RNF145: variants seen among roughly 807,000 people sequenced by gnomAD.
RNF145 encodes the protein ring finger protein 145.
Under a neutral mutation model 57.3 loss-of-function variants are expected in RNF145, and 12 were observed. The observed-to-expected ratio is 0.21, with a 90% confidence interval of 0.13 to 0.34. The LOEUF is 0.34. Ranked by LOEUF, RNF145 falls within the 10% of genes least tolerant of loss-of-function variation. The probability of loss-of-function intolerance (pLI) is 1.00; values close to 1 mark genes in which losing one functional copy is unlikely to be tolerated. For missense variants in RNF145, 429 were observed against 799.0 expected, an observed-to-expected ratio of 0.54 and a Z score of 5.58; for synonymous variants, 262 against 288.3, an observed-to-expected ratio of 0.91 and a Z score of 0.92.
chr5:159,172,521 T>C (rs1195774716), intron 6 of RNF145, among the ~76,000 whole-genome samples: 1 of 152,006 alleles, frequency 6.6e-6, no homozygotes, highest in Non-Finnish European at 1.5e-5. Flanking sequence ...AATACTTATA[T>C]CAAAAACAAA....
intron 3 of RNF145, among the ~76,000 whole-genome samples, chr5:159,187,036 T>G (rs1185141225): frequency 6.6e-6 from 1 of 150,886 alleles, no homozygotes; most frequent in Non-Finnish European, 1.5e-5. Flanking sequence ...ATCCCAGCAC[T>G]TTGGGAGGCC....
chr5:159,191,037 A>C (rs1024511692), intron 3 of RNF145, among the ~76,000 whole-genome samples: 5 of 151,922 alleles, frequency 3.3e-5, no homozygotes, highest in Non-Finnish European at 7.4e-5. Context: ...GAAGAAGAAG[A>C]ACTGTCTTGG....
intron 8 of RNF145, 74 bp from the exon 9 acceptor site, chr5:159,163,153 A>G: frequency 7.5e-7 from 1 of 1,338,820 alleles, no homozygotes; most frequent in East Asian, 2.3e-5. Context: ...AGCAGCTAAC[A>G]TCTCTGGTGC....
intron 10 of RNF145, among the ~76,000 whole-genome samples, 155 bp from the exon 11 acceptor site, chr5:159,159,190 C>G (rs1246354140): frequency 1.3e-5 from 2 of 152,114 alleles, no homozygotes; most frequent in African/African-American, 2.4e-5. Flanking sequence ...CAGTAATAAT[C>G]CTGCTGCCAT....
intron 3 of RNF145, among the ~76,000 whole-genome samples, chr5:159,193,024 G>A (rs1292676440): frequency 6.6e-6 from 1 of 152,214 alleles, no homozygotes; most frequent in Non-Finnish European, 1.5e-5. Context: ...CAGAGGTGTG[G>A]GGGCTGGTGG....
intron 2 of RNF145, among the ~76,000 whole-genome samples, chr5:159,201,393 T>A (rs1408200761): frequency 6.6e-6 from 1 of 152,350 alleles, no homozygotes; most frequent in African/African-American, 2.4e-5. Context: ...ACAAAGTTAT[T>A]TAGCACAACG....
chr5:159,158,955 C>G lies in RNF145; in HGVS notation c.1707G>C (p.Glu569Asp). The G allele has an allele frequency of 6.2e-7, 1 of 1,613,878 alleles. No homozygotes were observed. Among genetic ancestry groups the G allele is most frequent in the Non-Finnish European group, 8.5e-7 (1 of 1,179,852 alleles). Residue 569 changes from glutamate (E) to aspartate (D), a missense_variant, in exon 11 of 11, where the codon GAG (glutamate) becomes GAC (aspartate). Glu to Asp is a conservative substitution (Grantham distance 45, BLOSUM62 2). Coordinates refer to ENST00000424310, the MANE Select transcript of RNF145 (RefSeq NM_001199383.2). The stretch of plus-strand genomic sequence containing the variant: ...GATGGCAGTGGCACAGAGGGCAGGT[C>G]TCCTGGACATACAGCCATTTCTTAA... ...GCLKKWLYVQ[E>D]TCPLCHCHLK...
At chr5:159,180,894 G>A (rs1784870705) in intron 4 of RNF145, among the ~76,000 whole-genome samples, 1 of 151,986 alleles carries the variant, frequency 6.6e-6, no homozygotes, top group Admixed American at 6.6e-5. Context: ...TTTGCAGGCT[G>A]AAAAGGCACA....
At chr5:159,174,799 C>T (rs1414322363) in intron 5 of RNF145, among the ~76,000 whole-genome samples, 1 of 151,224 alleles carries the variant, frequency 6.6e-6, no homozygotes. Context: ...AAAAAAAAGG[C>T]TTAATAATCT....
intron 1 of RNF145, among the ~76,000 whole-genome samples, chr5:159,208,704 G>A (rs1391489891): frequency 6.6e-6 from 1 of 152,054 alleles, no homozygotes; most frequent in Non-Finnish European, 1.5e-5. Context: ...AAAGAGGGAG[G>A]GGAGCTTGGA....
At chr5:159,185,983 G>T (rs1292555421) in intron 3 of RNF145, among the ~76,000 whole-genome samples, 1 of 152,168 alleles carries the variant, frequency 6.6e-6, no homozygotes, top group Non-Finnish European at 1.5e-5. Context: ...CAGCACTTTG[G>T]GAGGCCGAGG....
Position 159,158,559 on chromosome 5 carries a change from T to A in RNF145, c.*111A>T, listed in dbSNP as rs1784112852. The A allele has an allele frequency of 7.5e-7, 1 of 1,333,790 alleles. No individual in the cohort carries two copies. The highest frequency in any genetic ancestry group is 1.0e-6 in the Non-Finnish European group (1 of 976,376). The allele number at this position is 1,333,790 out of a possible 1,614,324, so 82.6% of individuals were successfully genotyped here. A position where few individuals can be genotyped will look rare whatever the true frequency, so the allele number is the denominator to read the frequency against. On this transcript the variant is annotated 3_prime_UTR_variant, in exon 11 of 11. Coordinates refer to ENST00000424310, the MANE Select transcript of RNF145 (RefSeq NM_001199383.2). ...CTTCCTGGATTAGATCCTTGGAATG[T>A]CAGTTTCCTGCCTGATCATCTCATT...
At position 159,209,237 on chromosome 5, in the gene RNF145, C is replaced by A; in HGVS notation, c.-46G>T. On this transcript the variant is annotated 5_prime_UTR_variant, in exon 1 of 11. Transcript: ENST00000424310. ...GGGCGGGCGGCGTGGTCACCTCAGG[C>A]TGCGGACTCCCTCCCTGGGGAGCGG... The A allele has an allele frequency of 1.0e-6, 1 of 985,060 alleles. No individual in the cohort carries two copies. Among genetic ancestry groups the A allele is most frequent in the Non-Finnish European group, 1.2e-6 (1 of 829,598 alleles). 61.0% of individuals were successfully genotyped at this position (985,060 alleles called of 1,614,324 possible).
intron 1 of RNF145, among the ~76,000 whole-genome samples, chr5:159,204,706 G>C (rs1785808070): frequency 6.6e-6 from 1 of 151,178 alleles, no homozygotes; most frequent in Non-Finnish European, 1.5e-5. Flanking sequence ...CAGGAGGCTA[G>C]GGCAGAAGAA....
chr5:159,203,678 AT>A, intron 1 of RNF145, 22 bp from the exon 2 acceptor site: 3 of 1,502,526 alleles, frequency 2.0e-6, no homozygotes, highest in Non-Finnish European at 2.7e-6. Flanking sequence ...AAGACACAAT[AT>A]ATAAAAATAA....
intron 8 of RNF145, among the ~76,000 whole-genome samples, chr5:159,163,940 T>A (rs562548369): frequency 2.6e-5 from 4 of 152,328 alleles, no homozygotes; most frequent in Middle Eastern, 6.8e-3. Flanking sequence ...TGGCTTTCAA[T>A]TGAAATAAAG....
chr5:159,189,421 C>T lies in RNF145; in HGVS notation c.293+5295G>A, dbSNP rs186616877. On this transcript the variant is annotated intron_variant, in intron 3 of 10. Coordinates refer to ENST00000424310, the MANE Select transcript of RNF145 (RefSeq NM_001199383.2). ...ACAATGAAATACCTCTTCACACTCACTGTAATGGCTCCACTAAAAAGGACA... is the reference window on the plus strand; with the variant it reads ...ACAATGAAATACCTCTTCACACTCATTGTAATGGCTCCACTAAAAAGGACA... Among the ~76,000 whole-genome samples, 8 of 152,342 alleles carry T rather than the reference C, an allele frequency of 5.3e-5. No homozygotes were observed. In the Middle Eastern group the frequency reaches 0.01, roughly 194 times the overall value.
chr5:159,207,968 A>G lies in RNF145; in HGVS notation c.-40+1263T>C, dbSNP rs535641668. 13 of 1,592,626 alleles carry G rather than the reference A, an allele frequency of 8.2e-6. No homozygotes were observed. In the South Asian group the frequency reaches 1.4e-4, roughly 18 times the overall value. ...TTTGGGCATGATTCAAGATTCAGTAAAACTGCACACTCCGTATTTTAAAAA... is the reference window on the plus strand; with the variant it reads ...TTTGGGCATGATTCAAGATTCAGTAGAACTGCACACTCCGTATTTTAAAAA... On this transcript the variant is annotated intron_variant, in intron 1 of 10. Transcript: ENST00000424310.
At chr5:159,193,430 G>C (rs189002695) in intron 3 of RNF145, among the ~76,000 whole-genome samples, 106 of 152,248 alleles carry the variant, frequency 7.0e-4, no homozygotes, top group South Asian at 2.5e-3. Flanking sequence ...AAGCTTCTGG[G>C]AAACACCCTG....
Sources: allele counts gnomAD v4.1 joint callset (sites outside exome capture counted in the v4.1 genomes callset), GRCh38; gene constraint gnomAD v4.1.1; transcripts MANE v1.5; gene names NCBI Gene and HGNC (gene_info 2026-07-23, HGNC 2026-07-21).